ALPK3: variants seen among roughly 807,000 people sequenced by gnomAD.
ALPK3 encodes the protein alpha-protein kinase 3.
Under a neutral mutation model 140.0 loss-of-function variants are expected in ALPK3, and 102 were observed. The observed-to-expected ratio is 0.73, with a 90% CI of 0.62 to 0.86. The LOEUF is 0.86. ALPK3 is among the 40% of genes least tolerant of loss of function. The pLI is 0.00. For synonymous variants in ALPK3, 938 were observed against 898.5 expected (o/e 1.04, Z -0.79); for missense variants, 2,254 against 2,208.2 (o/e 1.02, Z -0.42).
rs777436102 is a variant in ALPK3 at position 84,840,725 on chromosome 15, AT to A, written c.1449del (p.Phe483LeufsTer20). ...CGACTAGGCCTTTCAACAGAAAGAGATTTGCCCCTCCAAAGCCCAAAGGAGA... is the reference window on the plus strand; with the variant it reads ...CGACTAGGCCTTTCAACAGAAAGAGATTGCCCCTCCAAAGCCCAAAGGAGA... ...QPTRPFNRKR[F>X]APPKPKGEAT... is the part of the protein sequence containing the mutation. On this transcript the variant is annotated frameshift_variant, in exon 5 of 14. Coordinates refer to ENST00000258888, the MANE Select transcript of ALPK3 (RefSeq NM_020778.5). LOFTEE classifies it high-confidence loss of function. 1 of 1,613,772 alleles carries A rather than the reference AT, an allele frequency of 6.2e-7. No homozygotes were observed. Among genetic ancestry groups the A allele is most frequent in the South Asian group, 1.1e-5 (1 of 91,056 alleles).
Position 84,857,925 on chromosome 15 carries a change from G to C in ALPK3, c.3187G>C (p.Gly1063Arg), listed in dbSNP as rs760651826. 4 of 1,610,378 alleles carry C rather than the reference G, an allele frequency of 2.5e-6. No homozygotes were observed. The highest frequency in any genetic ancestry group is 3.4e-6 in the Non-Finnish European group (4 of 1,178,868). Residue 1063 changes from glycine to arginine, a missense_variant, in exon 6 of 14, where the codon GGT becomes CGT. Physicochemically the swap from Gly to Arg is moderately radical, Grantham distance 125. This residue lies in a region of ALPK3 where 2,088 missense variants were observed against 2,022.9 expected (regional missense o/e 1.03). Coordinates refer to ENST00000258888, the MANE Select transcript of ALPK3 (RefSeq NM_020778.5). The part of the protein sequence containing the change: ...QALAAARGSW[G>R]PGPSSLTVPA... ...CCTTGCTGCTGCCCGAGGCTCCTGG[G>C]GTCCTGGTCCCAGCTCCCTCACTGT...
At chr15:84,858,715 G>C (rs941221008) in intron 6 of ALPK3, among the ~76,000 whole-genome samples, 160 bp downstream of exon 6, 6 of 152,150 alleles carry the variant, frequency 3.9e-5, no homozygotes, top group African/African-American at 1.4e-4. Flanking sequence ...AGCCTTTAAG[G>C]CCTGGTTCTT....
At chr15:84,847,302 A>G (rs1201531897) in intron 5 of ALPK3, among the ~76,000 whole-genome samples, 2 of 151,400 alleles carry the variant, frequency 1.3e-5, no homozygotes, top group African/African-American at 2.4e-5. Flanking sequence ...GCTGTATCAA[A>G]AAGTCTAACA....
Position 84,839,905 on chromosome 15 carries a change from A to G in ALPK3, c.626A>G (p.Glu209Gly), listed in dbSNP as rs1190527481. Residue 209 changes from glutamate (E) to glycine (G), a missense_variant, in exon 5 of 14, where the codon GAG (glutamate) becomes GGG (glycine). By Grantham distance (98) the Glu-to-Gly change is moderately conservative. Coordinates refer to ENST00000258888, the MANE Select transcript of ALPK3 (RefSeq NM_020778.5). Reference sequence around the variant, plus strand: ...AAGCACGAGAAGGCGGTGCCTGGGGAGGTCGACACTCTGCGCAAGCTCAGC... The same window carrying G: ...AAGCACGAGAAGGCGGTGCCTGGGGGGGTCGACACTCTGCGCAAGCTCAGC... ...SWKHEKAVPG[E>G]VDTLRKLSPD... 6.2e-7 allele frequency: 1 copy of G among 1,613,908 alleles called. No homozygotes were observed. Among genetic ancestry groups the G allele is most frequent in the Non-Finnish European group, 8.5e-7 (1 of 1,179,910 alleles).
chr15:84,840,304 C>T lies in ALPK3; in HGVS notation c.1025C>T (p.Ser342Leu), dbSNP rs997305262. Reference protein sequence around the residue: ...LEKAAQSRRSSENCIPSSDEP... With the variant: ...LEKAAQSRRSLENCIPSSDEP... ...AAGGCAGCCCAAAGCCGCCGTTCTTCAGAAAACTGCATCCCCAGCTCAGAC... is the reference window on the plus strand; with the variant it reads ...AAGGCAGCCCAAAGCCGCCGTTCTTTAGAAAACTGCATCCCCAGCTCAGAC... The change falls in exon 5 of 14, where the codon TCA (serine) becomes TTA (leucine). Residue 342 changes from serine (S) to leucine (L), a missense_variant. Around this residue, in one of 3 missense-constraint regions of ALPK3, gnomAD observed 2,088 missense variants for 2,022.9 expected, o/e 1.03. Coordinates refer to ENST00000258888, the MANE Select transcript of ALPK3 (RefSeq NM_020778.5). 1 of 1,613,928 alleles carries T rather than the reference C, an allele frequency of 6.2e-7. No homozygotes were observed. Among genetic ancestry groups the T allele is most frequent in the Non-Finnish European group, 8.5e-7 (1 of 1,180,040 alleles).
intron 1 of ALPK3, among the ~76,000 whole-genome samples, chr15:84,822,967 C>T (rs959988194): frequency 1.3e-5 from 2 of 152,254 alleles, no homozygotes; most frequent in African/African-American, 2.4e-5. Flanking sequence ...GGAGCTTGCC[C>T]CCAGGCTGGT....
rs140378165 is a variant in ALPK3, at chr15:84,857,440, A to G, written c.2702A>G (p.Glu901Gly). 6 of 1,613,784 alleles carry G rather than the reference A, an allele frequency of 3.7e-6. No homozygotes were observed. Among genetic ancestry groups the G allele is most frequent in the Non-Finnish European group, 5.1e-6 (6 of 1,179,994 alleles). Reference protein sequence around the residue: ...HGSTATFLPSEDQVLMSSAPT... With the variant: ...HGSTATFLPSGDQVLMSSAPT... ...AGCACAGCCACCTTCCTGCCCTCTG[A>G]GGATCAGGTCCTGATGAGTTCTGCC... Residue 901 changes from glutamate to glycine, a missense_variant, in exon 6 of 14, where the codon GAG becomes GGG. Transcript: ENST00000258888.
rs2141567277 is a variant in ALPK3, at chr15:84,856,604, C to T, written c.1866C>T (p.Thr622=). 9.9e-6 allele frequency: 16 copies of T among 1,614,008 alleles called. No individual in the cohort carries two copies. The highest frequency in any genetic ancestry group is 1.4e-5 in the Non-Finnish European group (16 of 1,180,010). The change falls in exon 6 of 14, where the codon ACC becomes ACT. Residue 622 remains threonine (T), a synonymous_variant. Transcript: ENST00000258888. ...GGAAGATACAAGTGGATGGAAGGAC[C>T]AGGGGAGATGGAACACAGACAGCCC... The part of the protein sequence containing the change: ...ADGKIQVDGR[T]RGDGTQTAQR...
In ALPK3 at chr15:84,858,053, C is replaced by T. The variant is rs1179803660; in HGVS notation, c.3315C>T (p.Ala1105=). The T allele has an allele frequency of 1.9e-6, 3 of 1,568,828 alleles. No homozygotes were observed. Among genetic ancestry groups the T allele is most frequent in the Non-Finnish European group, 2.6e-6 (3 of 1,160,520 alleles). The part of the protein sequence containing the change: ...VSPEGPGLLG[A]SQESSMAGRL... ...CTGAGGGGCCTGGCCTCCTGGGGGC[C>T]TCTCAGGAGAGCAGCATGGCTGGTC... Residue 1105 remains alanine (A), a synonymous_variant, in exon 6 of 14, where the codon GCC becomes GCT. Coordinates refer to ENST00000258888, the MANE Select transcript of ALPK3 (RefSeq NM_020778.5).
At chr15:84,827,459 C>T in intron 2 of ALPK3, 25 bp from the exon 3 acceptor site, 6 of 1,613,616 alleles carry the variant, frequency 3.7e-6, no homozygotes, top group Non-Finnish European at 5.1e-6. Flanking sequence ...AAGGCCAGCT[C>T]TGAATAGCTC....
In ALPK3 at chr15:84,839,861, C is replaced by G. The variant is rs780854741; in HGVS notation, c.582C>G (p.Arg194=). Residue 194 remains arginine (R), a synonymous_variant, in exon 5 of 14, where the codon CGC becomes CGG. Coordinates refer to ENST00000258888, the MANE Select transcript of ALPK3 (RefSeq NM_020778.5). The part of the protein sequence containing the change: ...KLKRKAAAKL[R]EIEQSWKHEK... ...AGCGCAAGGCTGCGGCAAAGCTGCGCGAGATCGAGCAGAGCTGGAAGCACG... is the reference window on the plus strand; with the variant it reads ...AGCGCAAGGCTGCGGCAAAGCTGCGGGAGATCGAGCAGAGCTGGAAGCACG... 4.3e-6 allele frequency: 7 copies of G among 1,614,072 alleles called. No homozygotes were observed. Among genetic ancestry groups the G allele is most frequent in the Non-Finnish European group, 5.9e-6 (7 of 1,180,030 alleles).
In ALPK3 at chr15:84,817,535, C is replaced by G. The variant is rs1366446794; in HGVS notation, c.83C>G (p.Pro28Arg). ...GAGGDGEDDGPVWIPSPASRS... is the reference protein window; with the variant it reads ...GAGGDGEDDGRVWIPSPASRS... ...GGGGGCGACGGTGAGGACGACGGCC[C>G]CGTGTGGATCCCCAGCCCAGCCAGC... is the stretch of plus-strand genomic sequence containing the variant. Residue 28 changes from proline to arginine, a missense_variant, in exon 1 of 14, where the codon CCC (proline) becomes CGC (arginine). Pro to Arg is a moderately radical substitution (Grantham distance 103, BLOSUM62 -2). This residue lies in a region of ALPK3 where 2,088 missense variants were observed against 2,022.9 expected (regional missense o/e 1.03). Coordinates refer to ENST00000258888, the MANE Select transcript of ALPK3 (RefSeq NM_020778.5). 6.7e-7 allele frequency: 1 copy of G among 1,498,804 alleles called. No individual in the cohort carries two copies. Among genetic ancestry groups the G allele is most frequent in the African/African-American group, 1.5e-5 (1 of 68,792 alleles). The allele number at this position is 1,498,804 out of a possible 1,614,324, so 92.8% of individuals were successfully genotyped here.
rs1028335688 is a variant in ALPK3 at position 84,871,867 on chromosome 15, A to G, written c.*3411A>G. The G allele has an allele frequency of 4.6e-5, 7 of 152,272 alleles. No individual in the cohort carries two copies. The highest frequency in any genetic ancestry group is 8.8e-5 in the Non-Finnish European group (6 of 68,050). The allele number at this position is 152,272 out of a possible 1,614,324, so 9.4% of individuals were successfully genotyped here. On this transcript the variant is annotated 3_prime_UTR_variant, in exon 14 of 14. Coordinates refer to ENST00000258888, the MANE Select transcript of ALPK3 (RefSeq NM_020778.5). The stretch of plus-strand genomic sequence containing the variant: ...GTTGGGTGCAGTATGTGAGGAGGTC[A>G]CATGATGTTTATGGCATTTGAGAAT...
intron 3 of ALPK3, among the ~76,000 whole-genome samples, chr15:84,833,678 G>T (rs1963567959): frequency 6.6e-6 from 1 of 152,188 alleles, no homozygotes; most frequent in African/African-American, 2.4e-5. Context: ...CTTTCCTGGT[G>T]GTCAGAACTT....
chr15:84,819,739 TC>T (rs1040490420), intron 1 of ALPK3, among the ~76,000 whole-genome samples: 1 of 152,228 alleles, frequency 6.6e-6, no homozygotes, highest in African/African-American at 2.4e-5. Flanking sequence ...CTGTCCCCAC[TC>T]ACTCTTGGCT....
chr15:84,860,161 A>T, intron 9 of ALPK3, 89 bp downstream of exon 9: 1 of 1,459,936 alleles, frequency 6.8e-7, no homozygotes, highest in Non-Finnish European at 9.6e-7. Context: ...TCTGGTCCCA[A>T]TCCACATACT....
chr15:84,855,662 C>T (rs989256091), intron 5 of ALPK3, among the ~76,000 whole-genome samples: 4 of 152,158 alleles, frequency 2.6e-5, no homozygotes, highest in African/African-American at 7.2e-5. Flanking sequence ...GACTACCTGA[C>T]GGTGGACAGA....
chr15:84,831,012 C>T (rs1199367182), intron 3 of ALPK3, among the ~76,000 whole-genome samples: 19 of 152,124 alleles, frequency 1.2e-4, no homozygotes, highest in South Asian at 2.1e-4. Context: ...TCACTGTGCC[C>T]GGCCTCTTTT....
chr15:84,862,736 C>T lies in ALPK3; in HGVS notation c.4231C>T (p.Leu1411Phe). The T allele has an allele frequency of 1.2e-6, 2 of 1,614,148 alleles. No individual in the cohort carries two copies. The highest frequency in any genetic ancestry group is 1.7e-6 in the Non-Finnish European group (2 of 1,180,028). The change falls in exon 10 of 14, where the codon CTC (leucine) becomes TTC (phenylalanine). Residue 1411 changes from leucine (L) to phenylalanine (F), a missense_variant. Physicochemically the swap from Leu to Phe is conservative, Grantham distance 22. Transcript: ENST00000258888. The part of the protein sequence containing the change: ...KLFGRLVSEE[L>F]RGGGYGCGLR... The stretch of plus-strand genomic sequence containing the variant: ...CTTTGGGCGACTGGTAAGCGAGGAG[C>T]TCCGAGGGGGTGGATATGGGTGTGG...
Sources: gnomAD v4.1 joint callset for allele counts (sites outside exome capture counted in the v4.1 genomes callset) on GRCh38, gnomAD v4.1.1 for gene constraint, gnomAD v4.1.1 regional missense constraint, MANE v1.5 for transcripts, NCBI Gene and HGNC (gene_info 2026-07-23, HGNC 2026-07-21) for gene names.